The following ERAP2 variants were observed in gnomAD, a reference collection of about 807,000 sequenced individuals.
ERAP2 encodes the protein leukocyte-derived arginine aminopeptidase.
ERAP2 carries 118 observed loss-of-function variants against 111.1 expected under a neutral mutation model. The observed-to-expected ratio is 1.06, with a 90% CI of 0.92 to 1.24. The LOEUF is 1.24. ERAP2 is among the 50% of genes most tolerant of loss of function. The probability of loss-of-function intolerance (pLI) is 0.00; values close to 1 mark genes in which losing one functional copy is unlikely to be tolerated. For missense variants in ERAP2, 1,131 were observed against 1,125.8 expected (o/e 1.00, Z -0.07); for synonymous variants, 410 against 401.2 (o/e 1.02, Z -0.26).
chr5:96,894,699 G>A (rs6556943), intron 6 of ERAP2, among the ~76,000 whole-genome samples: 81,978 of 151,824 alleles, frequency 0.54, 22,209 homozygotes, highest in Admixed American at 0.59. Context: ...GTGGCCCACT[G>A]AAGTAAGTCA....
Position 96,886,750 on chromosome 5 carries a change from T to A in ERAP2, c.810T>A (p.Asp270Glu). The A allele has an allele frequency of 1.4e-5, 21 of 1,533,732 alleles. No individual in the cohort carries two copies. Among genetic ancestry groups the A allele is most frequent in the Non-Finnish European group, 1.9e-5 (21 of 1,124,988 alleles). Residue 270 changes from aspartate to glutamate, a missense_variant, in exon 4 of 19, where the codon GAT becomes GAA. Physicochemically the swap from Asp to Glu is conservative, Grantham distance 45 (BLOSUM62 2). Around this residue, in one of 3 missense-constraint regions of ERAP2, gnomAD observed 847 missense variants for 856.5 expected, o/e 0.99. Transcript: ENST00000437043. The stretch of plus-strand genomic sequence containing the variant: ...ACCTTGTAGCCTACATAGTTTGTGA[T>A]TTCCACTCTCTGAGTGGCTTCACTT... ...STYLVAYIVC[D>E]FHSLSGFTSS...
intron 3 of ERAP2, among the ~76,000 whole-genome samples, chr5:96,885,768 G>A (rs943156965): frequency 5.3e-5 from 8 of 152,204 alleles, no homozygotes; most frequent in Non-Finnish European, 1.0e-4. Flanking sequence ...TATTGGATCT[G>A]TATCCATTCA....
chr5:96,895,952 G>A (rs1451658614), intron 7 of ERAP2, among the ~76,000 whole-genome samples: 1 of 152,176 alleles, frequency 6.6e-6, no homozygotes, highest in Non-Finnish European at 1.5e-5. Flanking sequence ...TCTTGTTACT[G>A]TGTATGTACT....
At chr5:96,902,579 T>C in intron 12 of ERAP2, 3 of 414,646 alleles carry the variant, frequency 7.2e-6, no homozygotes. Flanking sequence ...GACAGATTAT[T>C]TACATCAAGA....
At chr5:96,887,659 A>C (rs902324237) in intron 4 of ERAP2, among the ~76,000 whole-genome samples, 3 of 152,216 alleles carry the variant, frequency 2.0e-5, no homozygotes, top group African/African-American at 7.2e-5. Flanking sequence ...TATAATTTTT[A>C]GAGTCTTCGT....
chr5:96,895,239 C>T lies in ERAP2; in HGVS notation c.1126-7C>T. ...ACTTCTAATAATATTGAGTTTTTACCTCCTAGTGGTTTGGCAACCTGGTCA... is the reference window on the plus strand; with the variant it reads ...ACTTCTAATAATATTGAGTTTTTACTTCCTAGTGGTTTGGCAACCTGGTCA... On this transcript the variant is annotated splice_polypyrimidine_tract_variant and splice_region_variant and intron_variant, in intron 6 of 18. Transcript: ENST00000437043. 3 of 1,550,686 alleles carry T rather than the reference C, an allele frequency of 1.9e-6. No homozygotes were observed. The highest frequency in any genetic ancestry group is 2.3e-5 in the East Asian group (1 of 44,056).
intron 18 of ERAP2, among the ~76,000 whole-genome samples, chr5:96,916,693 C>T (rs1279029839): frequency 1.3e-5 from 2 of 151,454 alleles, no homozygotes; most frequent in Non-Finnish European, 1.5e-5. Flanking sequence ...TGGTCTCGAT[C>T]TCCTGACCTC....
In ERAP2 at chr5:96,893,150, C is replaced by T. The variant is rs114348315; in HGVS notation, c.1125+697C>T. On this transcript the variant is annotated intron_variant, in intron 6 of 18. Transcript: ENST00000437043. ...AACTTATCTAAGGGCCATCTATCAACACTGTATTACATACAAATGTGGAAT... is the reference window on the plus strand; with the variant it reads ...AACTTATCTAAGGGCCATCTATCAATACTGTATTACATACAAATGTGGAAT... Among the ~76,000 whole-genome samples, 647 of 152,254 alleles carry T rather than the reference C, an allele frequency of 4.2e-3. 6 individuals carry two copies. Among genetic ancestry groups the T allele is most frequent in the African/African-American group, 0.015 (624 of 41,544 alleles).
At chr5:96,885,721 AGG>A (rs879877575) in intron 3 of ERAP2, among the ~76,000 whole-genome samples, 3,703 of 152,310 alleles carry the variant, frequency 0.024, 54 homozygotes, top group Non-Finnish European at 0.036. Context: ...GAGCCTGTCT[AGG>A]AGTTGTGACT....
chr5:96,887,810 A>G lies in ERAP2; in HGVS notation c.849+1021A>G, dbSNP rs140921219. ...TATAGACTTAAAAACATTTTTAAAG[A>G]GTTATAAAATAATGCTTTTGAAAAA... On this transcript the variant is annotated intron_variant, in intron 4 of 18. Coordinates refer to ENST00000437043, the MANE Select transcript of ERAP2 (RefSeq NM_022350.5). Among the ~76,000 whole-genome samples the G allele has an allele frequency of 4.8e-3, 731 of 152,352 alleles. 5 individuals carry two copies. Among genetic ancestry groups the G allele is most frequent in the Non-Finnish European group, 7.3e-3 (496 of 68,030 alleles).
intron 3 of ERAP2, among the ~76,000 whole-genome samples, chr5:96,884,296 T>C (rs1484118362): frequency 6.6e-6 from 1 of 152,164 alleles, no homozygotes; most frequent in Admixed American, 6.6e-5. Flanking sequence ...CTGAGAATCT[T>C]GCTAAAACTC....
rs1267460395 is a variant in ERAP2 at position 96,895,330 on chromosome 5, GT to G, written c.1212del (p.Asn405MetfsTer14). The G allele has an allele frequency of 2.5e-6, 4 of 1,611,566 alleles. No individual in the cohort carries two copies. ...GFAKYMELIAVNATYPELQFD... is the reference protein window; with the variant it reads ...GFAKYMELIAXNATYPELQFD... Reference sequence around the variant, plus strand: ...TGCAAAATACATGGAACTTATCGCTGTTAATGCTACATATCCAGAGCTGCAA... The same window carrying G: ...TGCAAAATACATGGAACTTATCGCTGTAATGCTACATATCCAGAGCTGCAA... On this transcript the variant is annotated frameshift_variant, in exon 7 of 19. Transcript: ENST00000437043. LOFTEE classifies it high-confidence loss of function.
At chr5:96,911,614 C>T (rs1364500918) in intron 15 of ERAP2, among the ~76,000 whole-genome samples, 3 of 151,958 alleles carry the variant, frequency 2.0e-5, no homozygotes, top group African/African-American at 7.3e-5. Context: ...GGCCAAGTGC[C>T]GTAGCTCATG....
In ERAP2 at chr5:96,884,672, C is replaced by T. The variant is rs138625689; in HGVS notation, c.714+742C>T. Among the ~76,000 whole-genome samples the T allele has an allele frequency of 3.3e-3, 503 of 152,266 alleles. 2 individuals are homozygous for T. The highest frequency in any genetic ancestry group is 0.017 in the Middle Eastern group (5 of 294). ...TCCTGGGTTCAAGCAATTCTCCTCC[C>T]TCAGCCTCCCAAGTAGCTGGGATTA... On this transcript the variant is annotated intron_variant, in intron 3 of 18. Coordinates refer to ENST00000437043, the MANE Select transcript of ERAP2 (RefSeq NM_022350.5).
At chr5:96,889,346 T>C (rs1484909622) in intron 5 of ERAP2, 41 bp downstream of exon 5, 1 of 1,610,876 alleles carries the variant, frequency 6.2e-7, no homozygotes, top group Admixed American at 1.7e-5. Context: ...TTTTTGCTCA[T>C]AAAACTTGCT....
In ERAP2 at chr5:96,879,957, T is replaced by A; in HGVS notation, c.272T>A (p.Phe91Tyr). 6.2e-7 allele frequency: 1 copy of A among 1,614,192 alleles called. No homozygotes were observed. The highest frequency in any genetic ancestry group is 8.5e-7 in the Non-Finnish European group (1 of 1,180,028). The stretch of plus-strand genomic sequence containing the variant: ...CACCCCAATCTCACCTCTCTGGACT[T>A]TGTTGCATCTGAGAAGATCGAAGTC... ...FVHPNLTSLD[F>Y]VASEKIEVLV... is the part of the protein sequence containing the mutation. Residue 91 changes from phenylalanine (F) to tyrosine (Y), a missense_variant, in exon 2 of 19, where the codon TTT becomes TAT. Coordinates refer to ENST00000437043, the MANE Select transcript of ERAP2 (RefSeq NM_022350.5).
Position 96,896,455 on chromosome 5 carries a change from A to G in ERAP2, c.1322A>G (p.Glu441Gly), listed in dbSNP as rs759538232. ...NSSRPISKPA[E>G]TPTQIQEMFD... The stretch of plus-strand genomic sequence containing the variant: ...TCCCGCCCTATCTCCAAACCAGCGG[A>G]AACCCCGACTCAAATACAGGAAATG... Residue 441 changes from glutamate to glycine, a missense_variant, in exon 8 of 19, where the codon GAA becomes GGA. By Grantham distance (98) the Glu-to-Gly change is moderately conservative. This residue lies in a region of ERAP2 where 847 missense variants were observed against 856.5 expected (regional missense o/e 0.99). Coordinates refer to ENST00000437043, the MANE Select transcript of ERAP2 (RefSeq NM_022350.5). 1.9e-6 allele frequency: 3 copies of G among 1,613,566 alleles called. No individual in the cohort carries two copies. The highest frequency in any genetic ancestry group is 3.3e-5 in the Admixed American group (2 of 59,924).
Position 96,879,905 on chromosome 5 carries a change from A to C in ERAP2, c.220A>C (p.Ile74Leu). The C allele has an allele frequency of 3.1e-6, 5 of 1,614,134 alleles. No individual in the cohort carries two copies. Among genetic ancestry groups the C allele is most frequent in the African/African-American group, 1.3e-5 (1 of 75,038 alleles). The part of the protein sequence containing the change: ...WQELRLPSVV[I>L]PLHYDLFVHP... ...GGAGCTAAGGCTCCCCAGTGTGGTC[A>C]TTCCTCTCCATTATGACCTCTTTGT... Residue 74 changes from isoleucine to leucine, a missense_variant, in exon 2 of 19, where the codon ATT (isoleucine) becomes CTT (leucine). Ile to Leu is a conservative substitution (Grantham distance 5). Transcript: ENST00000437043.
rs1785298093 is a variant in ERAP2, at chr5:96,900,193, AG to A, written c.1572+6del. On this transcript the variant is annotated splice_donor_5th_base_variant and intron_variant, in intron 10 of 18. Coordinates refer to ENST00000437043, the MANE Select transcript of ERAP2 (RefSeq NM_022350.5). ...TCCCAAGATGACAAGTAACATGGTAAGGATAAAGAGAGTCACAGAGTAGAAG... is the reference window on the plus strand; with the variant it reads ...TCCCAAGATGACAAGTAACATGGTAAGATAAAGAGAGTCACAGAGTAGAAG... 3.1e-6 allele frequency: 5 copies of A among 1,613,448 alleles called. No homozygotes were observed. Among genetic ancestry groups the A allele is most frequent in the Non-Finnish European group, 4.2e-6 (5 of 1,179,770 alleles).
Sources: gnomAD v4.1 joint callset for allele counts (sites outside exome capture counted in the v4.1 genomes callset) on GRCh38, gnomAD v4.1.1 for gene constraint, gnomAD v4.1.1 regional missense constraint, MANE v1.5 for transcripts, NCBI Gene and HGNC (gene_info 2026-07-23, HGNC 2026-07-21) for gene names.